The following PARD3B variants were observed in gnomAD, a reference collection of about 807,000 sequenced individuals.
PARD3B encodes partitioning defective 3 homolog B.
Under a neutral mutation model 130.2 loss-of-function variants are expected in PARD3B, and 103 were observed. The ratio of observed to expected loss-of-function variants is 0.79; its 90% confidence interval spans 0.67 to 0.93. The LOEUF (loss-of-function observed/expected upper bound fraction) is 0.93, where lower values mean the gene tolerates loss of function less well. Ranked by LOEUF, PARD3B falls within the 40% of genes least tolerant of loss-of-function variation. PARD3B has a pLI of 0.00. For missense variants in PARD3B, 1,609 were observed against 1,499.2 expected (o/e 1.07, Z -1.21); for synonymous variants, 583 against 553.2 (o/e 1.05, Z -0.76).
At chr2:205,456,414 GCTAGAAC>G (rs2048278759) in intron 20 of PARD3B, among the ~76,000 whole-genome samples, 2 of 151,972 alleles carry the variant, frequency 1.3e-5, no homozygotes, top group Admixed American at 6.6e-5. Context: ...CATTGTGCTG[GCTAGAAC>G]CTCCAGTACT....
At chr2:205,419,301 A>T (rs757993563) in intron 19 of PARD3B, among the ~76,000 whole-genome samples, 8 of 133,454 alleles carry the variant, frequency 6.0e-5, no homozygotes, top group Non-Finnish European at 9.5e-5. Flanking sequence ...GCCACCATCC[A>T]TGTAAGATGT....
Position 205,589,989 on chromosome 2 carries a change from C to T in PARD3B, c.3261-25467C>T, listed in dbSNP as rs149749745. ...AAGCATAAGCTGCAACAAAGCTTTT[C>T]TCCCCCAAGGTGGTTTCCAAAGTGA... On this transcript the variant is annotated intron_variant, in intron 22 of 22. Transcript: ENST00000406610. This position sits in a 1 kb window ranked among gnomAD's most constrained non-coding sequence, Gnocchi z 4.1. Among the ~76,000 whole-genome samples the T allele has an allele frequency of 2.4e-4, 36 of 152,244 alleles. No homozygotes were observed. Among genetic ancestry groups the T allele is most frequent in the Middle Eastern group, 3.4e-3 (1 of 294 alleles).
At chr2:204,625,083 C>A (rs2125132350) in intron 1 of PARD3B, among the ~76,000 whole-genome samples, 1 of 152,102 alleles carries the variant, frequency 6.6e-6, no homozygotes, top group South Asian at 2.1e-4. Flanking sequence ...TCTACGGTTG[C>A]ATTTTGAGAG....
At chr2:205,165,012 C>T (rs1280002273) in intron 11 of PARD3B, among the ~76,000 whole-genome samples, 1 of 151,868 alleles carries the variant, frequency 6.6e-6, no homozygotes, top group Admixed American at 6.6e-5. Flanking sequence ...TAAGCAAGTG[C>T]CAAGTGCATA....
intron 14 of PARD3B, among the ~76,000 whole-genome samples, chr2:205,186,555 ATG>A (rs2036112897): frequency 6.6e-6 from 1 of 152,138 alleles, no homozygotes; most frequent in Non-Finnish European, 1.5e-5. Flanking sequence ...TCTGTGTCCC[ATG>A]ATAATCCTGT....
At chr2:205,081,561 G>A (rs910480817) in intron 4 of PARD3B, among the ~76,000 whole-genome samples, 1 of 151,948 alleles carries the variant, frequency 6.6e-6, no homozygotes, top group African/African-American at 2.4e-5. Flanking sequence ...CCCTATGTTA[G>A]GTTGAAGAAG....
intron 18 of PARD3B, among the ~76,000 whole-genome samples, chr2:205,320,607 G>A (rs2042721003): frequency 6.6e-6 from 1 of 152,176 alleles, no homozygotes; most frequent in African/African-American, 2.4e-5. Context: ...CAATAGAGAG[G>A]ATAAGATGTT....
intron 5 of PARD3B, among the ~76,000 whole-genome samples, chr2:205,110,641 GT>G (rs1357473438): frequency 1.6e-5 from 2 of 121,832 alleles, no homozygotes; most frequent in South Asian, 2.5e-4. Context: ...TTTGTTTTTT[GT>G]TTTTTTTGTA....
At chr2:205,581,845 TTTCAGGCACA>T (rs2054002658) in intron 22 of PARD3B, among the ~76,000 whole-genome samples, 1 of 152,172 alleles carries the variant, frequency 6.6e-6, no homozygotes, top group South Asian at 2.1e-4. Context: ...TAACTCCAAT[TTTCAGGCACA>T]TGAAGGTTAT....
chr2:204,627,308 T>C (rs57533510), intron 1 of PARD3B, among the ~76,000 whole-genome samples: 3,233 of 152,276 alleles, frequency 0.021, 109 homozygotes, highest in East Asian at 0.14. Context: ...ATATTTTGAT[T>C]CATTCTAAAG....
At chr2:205,415,953 CAT>C (rs1003879850) in intron 19 of PARD3B, among the ~76,000 whole-genome samples, 2 of 152,264 alleles carry the variant, frequency 1.3e-5, no homozygotes, top group Non-Finnish European at 2.9e-5. Flanking sequence ...CATTTGAAAA[CAT>C]ATGCAACTAT....
intron 2 of PARD3B, among the ~76,000 whole-genome samples, chr2:204,694,940 C>A (rs2037539096): frequency 6.6e-6 from 1 of 151,956 alleles, no homozygotes. Context: ...CATGATCAAG[C>A]TCTATGGTAT....
chr2:205,487,032 G>A (rs888087), intron 20 of PARD3B, among the ~76,000 whole-genome samples: 138,087 of 152,218 alleles, frequency 0.91, 63,287 homozygotes, highest in Non-Finnish European at 0.98. Context: ...ATATAATTCT[G>A]TGTTTATTAC....
chr2:204,824,513 CTA>C (rs1463010665), intron 2 of PARD3B, among the ~76,000 whole-genome samples: 1 of 152,164 alleles, frequency 6.6e-6, no homozygotes, highest in Non-Finnish European at 1.5e-5. Context: ...CCTCCTTGAA[CTA>C]TCTCTATTTG....
chr2:205,467,866 T>C (rs933411919), intron 20 of PARD3B, among the ~76,000 whole-genome samples: 1 of 152,216 alleles, frequency 6.6e-6, no homozygotes, highest in African/African-American at 2.4e-5. Context: ...ACAAGCACCA[T>C]TGTCTCTTCT....
At chr2:204,765,058 G>A (rs2041084566) in intron 2 of PARD3B, among the ~76,000 whole-genome samples, 1 of 152,110 alleles carries the variant, frequency 6.6e-6, no homozygotes, top group South Asian at 2.1e-4. Context: ...ATTTACCAGT[G>A]TATTTTTTAA....
chr2:204,985,988 C>A (rs572733258), intron 3 of PARD3B, among the ~76,000 whole-genome samples: 1 of 149,742 alleles, frequency 6.7e-6, no homozygotes, highest in South Asian at 2.1e-4. Context: ...GTAGCCCCAG[C>A]TACTCAGGAG....
At chr2:205,451,313 A>G (rs2048095212) in intron 20 of PARD3B, among the ~76,000 whole-genome samples, 1 of 152,036 alleles carries the variant, frequency 6.6e-6, no homozygotes, top group Admixed American at 6.5e-5. Context: ...GACTCCAACA[A>G]CTTCTCATTG....
rs1409454582 is a variant in PARD3B at position 205,525,140 on chromosome 2, C to A, written c.3180+25109C>A. Reference sequence around the variant, plus strand: ...TTATTCACACACAGTAAAGCAATGCCTAGCTCATGGTATGACTGGAAAATA... The same window carrying A: ...TTATTCACACACAGTAAAGCAATGCATAGCTCATGGTATGACTGGAAAATA... On this transcript the variant is annotated intron_variant, in intron 21 of 22. Transcript: ENST00000406610. The surrounding 1 kb of genome is among the most constrained non-coding windows in gnomAD (Gnocchi z 4.2). 1.3e-5 allele frequency among the ~76,000 whole-genome samples: 2 copies of A among 152,192 alleles called. No homozygotes were observed. The highest frequency in any genetic ancestry group is 4.8e-5 in the African/African-American group (2 of 41,450).
Sources: allele counts gnomAD v4.1 joint callset (sites outside exome capture counted in the v4.1 genomes callset), GRCh38; gene constraint gnomAD v4.1.1; non-coding constraint Gnocchi (gnomAD v3.1); transcripts MANE v1.5; gene names NCBI Gene and HGNC (gene_info 2026-07-23, HGNC 2026-07-21).